CXXC4: variants seen among roughly 807,000 people sequenced by gnomAD.
CXXC4 encodes CXXC-type zinc finger protein 4.
Under a neutral mutation model 20.5 loss-of-function variants are expected in CXXC4, and 5 were observed. The ratio of observed to expected loss-of-function variants is 0.24; its 90% CI spans 0.13 to 0.51. CXXC4 has a LOEUF of 0.51. Ranked by LOEUF, CXXC4 falls within the 20% of genes least tolerant of loss-of-function variation. CXXC4 has a pLI of 0.97. For synonymous variants in CXXC4, 250 were observed against 216.4 expected, an observed-to-expected ratio of 1.16 and a Z score of -1.36; for missense variants, 419 against 496.4, an observed-to-expected ratio of 0.84 and a Z score of 1.48.
intron 2 of CXXC4, among the ~76,000 whole-genome samples, chr4:104,477,440 AC>A (rs1560539402): frequency 6.6e-6 from 1 of 152,104 alleles, no homozygotes; most frequent in East Asian, 1.9e-4. Context: ...AAACTGATTG[AC>A]ACAAATTAAT....
intron 2 of CXXC4, among the ~76,000 whole-genome samples, chr4:104,478,947 TA>T (rs1235185677): frequency 2.0e-5 from 3 of 152,092 alleles, no homozygotes; most frequent in Non-Finnish European, 4.4e-5. Flanking sequence ...TATATATGTA[TA>T]AATATATATG....
chr4:104,486,717 ATTTT>A (rs1229977286), intron 2 of CXXC4, among the ~76,000 whole-genome samples: 2 of 152,034 alleles, frequency 1.3e-5, no homozygotes, highest in African/African-American at 4.8e-5. Context: ...TTATCCATAG[ATTTT>A]TTTGTCACCA....
intron 2 of CXXC4, among the ~76,000 whole-genome samples, chr4:104,487,223 G>C (rs1394744350): frequency 6.6e-6 from 1 of 152,172 alleles, no homozygotes. Flanking sequence ...AGTGGTGGCA[G>C]TGTGAAACTT....
intron 2 of CXXC4, among the ~76,000 whole-genome samples, chr4:104,487,973 T>C (rs929281324): frequency 5.9e-5 from 9 of 152,100 alleles, no homozygotes. Flanking sequence ...TTAATTTCAG[T>C]TTTCTCACCC....
At chr4:104,480,887 T>TTTC (rs1046979773) in intron 2 of CXXC4, among the ~76,000 whole-genome samples, 4 of 138,128 alleles carry the variant, frequency 2.9e-5, no homozygotes, top group African/African-American at 1.0e-4. Flanking sequence ...CCTTCCATCC[T>TTTC]TTCTTCCTTC....
At chr4:104,482,209 A>G (rs1736574670) in intron 2 of CXXC4, among the ~76,000 whole-genome samples, 1 of 152,160 alleles carries the variant, frequency 6.6e-6, no homozygotes, top group Non-Finnish European at 1.5e-5. Context: ...GGTTTCATGG[A>G]CCACCAACAT....
chr4:104,476,925 A>C (rs1736423059), intron 2 of CXXC4, among the ~76,000 whole-genome samples: 1 of 152,128 alleles, frequency 6.6e-6, no homozygotes, highest in Admixed American at 6.6e-5. Flanking sequence ...AACCAAACTT[A>C]AGGCAATTTC....
At position 104,494,784 on chromosome 4, in the gene CXXC4, G is replaced by GA. The variant is rs1737000310; in HGVS notation, c.-342_-341insT. The GA allele has an allele frequency of 6.7e-6, 1 of 148,798 alleles. No individual in the cohort carries two copies. 9.2% of individuals were successfully genotyped at this position (148,798 alleles called of 1,614,324 possible). ...TGGGGGTGGAAGGAGGAGGAGGTGG[G>GA]GGGAGAGGAAAGAGTCGAGTGTGAG... is the stretch of plus-strand genomic sequence containing the variant. On this transcript the variant is annotated 5_prime_UTR_variant, in exon 1 of 3. Transcript: ENST00000394767.
chr4:104,485,512 A>G (rs1440331945), intron 2 of CXXC4, among the ~76,000 whole-genome samples: 1 of 152,148 alleles, frequency 6.6e-6, no homozygotes, highest in Non-Finnish European at 1.5e-5. Flanking sequence ...TTTTCTGCAT[A>G]TTCAGACAAT....
chr4:104,492,074 G>C lies in CXXC4; in HGVS notation c.-257-15C>G. 6.6e-6 allele frequency: 2 copies of C among 302,656 alleles called. No homozygotes were observed. The highest frequency in any genetic ancestry group is 6.1e-6 in the Non-Finnish European group (1 of 164,736). The allele number at this position is 302,656 out of a possible 1,614,324, so 18.7% of individuals were successfully genotyped here. A position where few individuals can be genotyped will look rare whatever the true frequency, so the allele number is the denominator to read the frequency against. ...AACTGTTACAACTAAAATAAAGAAA[G>C]TCATTCCAACGAGCTGCACGAGGAA... On this transcript the variant is annotated splice_polypyrimidine_tract_variant and intron_variant, in intron 1 of 2. Coordinates refer to ENST00000394767, the MANE Select transcript of CXXC4 (RefSeq NM_025212.4).
rs1736239115 is a variant in CXXC4 at position 104,470,420 on chromosome 4, G to A, written c.*1902C>T. 6.6e-6 allele frequency: 1 copy of A among 151,922 alleles called. No individual in the cohort carries two copies. The highest frequency in any genetic ancestry group is 2.4e-5 in the African/African-American group (1 of 41,382). 9.4% of individuals were successfully genotyped at this position (151,922 alleles called of 1,614,324 possible). ...GACCATGTATTCATACTCTACGTGA[G>A]GTAAGTCACACTTGATTTTCAAATT... is the stretch of plus-strand genomic sequence containing the variant. On this transcript the variant is annotated 3_prime_UTR_variant, in exon 3 of 3. Coordinates refer to ENST00000394767, the MANE Select transcript of CXXC4 (RefSeq NM_025212.4).
intron 2 of CXXC4, among the ~76,000 whole-genome samples, chr4:104,485,075 G>A (rs2110276305): frequency 6.6e-6 from 1 of 151,958 alleles, no homozygotes; most frequent in Middle Eastern, 3.4e-3. Flanking sequence ...AAATTTACAT[G>A]GATTACAAAA....
Position 104,491,449 on chromosome 4 carries a change from GCCACCC to G in CXXC4, c.348_353del (p.Gly133_Gly134del). On this transcript the variant is annotated inframe_deletion, in exon 2 of 3. Coordinates refer to ENST00000394767, the MANE Select transcript of CXXC4 (RefSeq NM_025212.4). ...CGCCTCCGCCGCCGCCGCCGCCGCC[GCCACCC>G]CCCCCGCCGCCGCCCCCGCCCCCGC... The G allele has an allele frequency of 2.2e-6, 2 of 906,882 alleles. No homozygotes were observed. The highest frequency in any genetic ancestry group is 2.7e-6 in the Non-Finnish European group (2 of 733,886). 56.2% of individuals were successfully genotyped at this position (906,882 alleles called of 1,614,324 possible).
intron 2 of CXXC4, among the ~76,000 whole-genome samples, chr4:104,488,428 T>C (rs1162165900): frequency 6.6e-6 from 1 of 152,258 alleles, no homozygotes; most frequent in Non-Finnish European, 1.5e-5. Flanking sequence ...GGCATTGTCT[T>C]TTTTAATGAT....
chr4:104,491,583 T>C lies in CXXC4; in HGVS notation c.220A>G (p.Ser74Gly). 6.6e-7 allele frequency: 1 copy of C among 1,524,970 alleles called. No individual in the cohort carries two copies. Among genetic ancestry groups the C allele is most frequent in the Non-Finnish European group, 8.8e-7 (1 of 1,135,486 alleles). 94.5% of individuals were successfully genotyped at this position (1,524,970 alleles called of 1,614,324 possible). The change falls in exon 2 of 3, where the codon AGC (serine) becomes GGC (glycine). Residue 74 changes from serine to glycine, a missense_variant. Transcript: ENST00000394767. ...GCGGCGGCCGCGGCGGCGGCGGCGC[T>C]GCTGGGGAAGATGGGGGTGGTGATG... ...ARITTPIFPS[S>G]AAAAAAAARI... is the part of the protein sequence containing the mutation.
Position 104,470,709 on chromosome 4 carries a change from A to G in CXXC4, c.*1613T>C, listed in dbSNP as rs1462122936. The G allele has an allele frequency of 6.6e-6, 1 of 152,032 alleles. No individual in the cohort carries two copies. Among genetic ancestry groups the G allele is most frequent in the Non-Finnish European group, 1.5e-5 (1 of 67,984 alleles). 9.4% of individuals were successfully genotyped at this position (152,032 alleles called of 1,614,324 possible). On this transcript the variant is annotated 3_prime_UTR_variant, in exon 3 of 3. Transcript: ENST00000394767. The stretch of plus-strand genomic sequence containing the variant: ...GCTAATGGATTTAGTGGGTTAAATC[A>G]CCTGGCTAGTGGACAAAGAACAAAA...
At chr4:104,484,589 A>G (rs1429972029) in intron 2 of CXXC4, among the ~76,000 whole-genome samples, 1 of 152,040 alleles carries the variant, frequency 6.6e-6, no homozygotes, top group African/African-American at 2.4e-5. Context: ...AAACCAAAAA[A>G]TTCAGCAGGC....
chr4:104,478,945 T>A (rs1324270842), intron 2 of CXXC4, among the ~76,000 whole-genome samples: 5 of 152,058 alleles, frequency 3.3e-5, no homozygotes, highest in Non-Finnish European at 7.4e-5. Flanking sequence ...TATATATATG[T>A]ATAAATATAT....
At chr4:104,473,038 T>C (rs1343775701) in intron 2 of CXXC4, among the ~76,000 whole-genome samples, 1 of 151,834 alleles carries the variant, frequency 6.6e-6, no homozygotes, top group East Asian at 1.9e-4. Context: ...TAGGTCACTG[T>C]TTTATGTATA....
Sources: allele counts gnomAD v4.1 joint callset (sites outside exome capture counted in the v4.1 genomes callset), GRCh38; gene constraint gnomAD v4.1.1; transcripts MANE v1.5; gene names NCBI Gene and HGNC (gene_info 2026-07-23, HGNC 2026-07-21).